STX7: variants seen among roughly 807,000 people sequenced by gnomAD.
STX7 encodes the protein syntaxin 7.
STX7 carries 34 observed loss-of-function variants against 39.6 expected under a neutral mutation model. The ratio of observed to expected loss-of-function variants is 0.86; its 90% CI spans 0.65 to 1.14. The LOEUF is 1.14. STX7 is among the 50% of genes most tolerant of loss of function. STX7 has a pLI of 0.00. For missense variants in STX7, 284 were observed against 310.4 expected, an observed-to-expected ratio of 0.92 and a Z score of 0.64; for synonymous variants, 119 against 99.1, an observed-to-expected ratio of 1.20 and a Z score of -1.19.
At chr6:132,499,968 T>G (rs780774817) in intron 2 of STX7, among the ~76,000 whole-genome samples, 18 of 151,918 alleles carry the variant, frequency 1.2e-4, no homozygotes, top group African/African-American at 4.4e-4. Context: ...AACTATGGAG[T>G]CATCTTTAAC....
Position 132,460,608 on chromosome 6 carries a change from G to T in STX7, c.*150C>A. On this transcript the variant is annotated 3_prime_UTR_variant, in exon 10 of 10. Coordinates refer to ENST00000367941, the MANE Select transcript of STX7 (RefSeq NM_003569.3). ...AGAAAATATCAGATTTAATCCAAAGGAACCACCCCAACCCCCCCAATAAAA... is the reference window on the plus strand; with the variant it reads ...AGAAAATATCAGATTTAATCCAAAGTAACCACCCCAACCCCCCCAATAAAA... 1 of 526,362 alleles carries T rather than the reference G, an allele frequency of 1.9e-6. No homozygotes were observed. Among genetic ancestry groups the T allele is most frequent in the Non-Finnish European group, 3.2e-6 (1 of 315,054 alleles). The allele number at this position is 526,362 out of a possible 1,614,324, so 32.6% of individuals were successfully genotyped here.
chr6:132,497,008 T>C (rs1271984697), intron 2 of STX7, among the ~76,000 whole-genome samples: 1 of 152,172 alleles, frequency 6.6e-6, no homozygotes, highest in Non-Finnish European at 1.5e-5. Flanking sequence ...TCATATCTGG[T>C]ACAACCACTT....
chr6:132,482,917 G>T (rs546350580), intron 2 of STX7, among the ~76,000 whole-genome samples: 1 of 151,906 alleles, frequency 6.6e-6, no homozygotes, highest in East Asian at 1.9e-4. Flanking sequence ...CTGAAACCTG[G>T]TTTTGTACAG....
intron 4 of STX7, among the ~76,000 whole-genome samples, chr6:132,472,080 T>G (rs952075835): frequency 1.3e-5 from 2 of 152,168 alleles, no homozygotes; most frequent in Admixed American, 1.3e-4. Context: ...TGCATGGAAA[T>G]AATTTTTGCT....
chr6:132,477,432 A>G (rs888776431), intron 2 of STX7, among the ~76,000 whole-genome samples: 2 of 152,140 alleles, frequency 1.3e-5, no homozygotes, highest in Non-Finnish European at 2.9e-5. Context: ...GTGAGAAAAA[A>G]TAAATTATTT....
Position 132,446,773 on chromosome 6 carries a change from A to C in STX7, c.*13985T>G, listed in dbSNP as rs1335120271. 6.6e-6 allele frequency: 1 copy of C among 152,208 alleles called. No individual in the cohort carries two copies. The highest frequency in any genetic ancestry group is 1.9e-4 in the East Asian group (1 of 5,206). The allele number at this position is 152,208 out of a possible 1,614,324, so 9.4% of individuals were successfully genotyped here. On this transcript the variant is annotated 3_prime_UTR_variant, in exon 10 of 10. Transcript: ENST00000367941. Reference sequence around the variant, plus strand: ...ATTGGATCACCAATTGGAGGAAAGTAAGTCACAAGCTGATTGCCTAGAGTG... The same window carrying C: ...ATTGGATCACCAATTGGAGGAAAGTCAGTCACAAGCTGATTGCCTAGAGTG...
At chr6:132,495,417 T>A (rs1775399594) in intron 2 of STX7, among the ~76,000 whole-genome samples, 1 of 152,166 alleles carries the variant, frequency 6.6e-6, no homozygotes, top group South Asian at 2.1e-4. Context: ...CCAACCACAT[T>A]TTCAGATGTG....
intron 8 of STX7, among the ~76,000 whole-genome samples, chr6:132,467,433 T>C (rs1419663185): frequency 6.6e-6 from 1 of 152,176 alleles, no homozygotes; most frequent in Admixed American, 6.6e-5. Context: ...CCCTCTACCC[T>C]GGCCTTATTT....
In STX7 at chr6:132,471,488, C is replaced by T. The variant is rs1042027145; in HGVS notation, c.362G>A (p.Arg121Gln). 6 of 1,613,872 alleles carry T rather than the reference C, an allele frequency of 3.7e-6. No homozygotes were observed. Among genetic ancestry groups the T allele is most frequent in the Non-Finnish European group, 5.1e-6 (6 of 1,179,872 alleles). Reference sequence around the variant, plus strand: ...AGACACTCTGGAACTGGCTCTTACTCGAGCAACAAACTCTTTCTCTCGCTC... The same window carrying T: ...AGACACTCTGGAACTGGCTCTTACTTGAGCAACAAACTCTTTCTCTCGCTC... Reference protein sequence around the residue: ...AAEREKEFVARVRASSRVSGS... With the variant: ...AAEREKEFVAQVRASSRVSGS... Residue 121 changes from arginine (R) to glutamine (Q), a missense_variant, in exon 5 of 10, where the codon CGA (arginine) becomes CAA (glutamine). Physicochemically the swap from Arg to Gln is conservative, Grantham distance 43. Coordinates refer to ENST00000367941, the MANE Select transcript of STX7 (RefSeq NM_003569.3).
At chr6:132,499,852 C>T (rs945895770) in intron 2 of STX7, among the ~76,000 whole-genome samples, 9 of 152,180 alleles carry the variant, frequency 5.9e-5, no homozygotes, top group Non-Finnish European at 8.8e-5. Flanking sequence ...AATGATATCT[C>T]AAAATATACT....
chr6:132,507,267 C>T (rs1237983729), intron 1 of STX7, among the ~76,000 whole-genome samples: 1 of 152,206 alleles, frequency 6.6e-6, no homozygotes, highest in Non-Finnish European at 1.5e-5. Context: ...AACAAAACTG[C>T]ATGTGCACCC....
At chr6:132,507,866 T>C (rs1432537317) in intron 1 of STX7, among the ~76,000 whole-genome samples, 1 of 152,248 alleles carries the variant, frequency 6.6e-6, no homozygotes, top group Non-Finnish European at 1.5e-5. Flanking sequence ...TCCATATACA[T>C]GGTTCCATTT....
In STX7 at chr6:132,450,698, T is replaced by A. The variant is rs927785963; in HGVS notation, c.*10060A>T. On this transcript the variant is annotated 3_prime_UTR_variant, in exon 10 of 10. Coordinates refer to ENST00000367941, the MANE Select transcript of STX7 (RefSeq NM_003569.3). ...AGCTACTGCAGAAAGAATGAATAAA[T>A]CTGAAGATAAAATGATAGAAATTAC... The A allele has an allele frequency of 6.6e-6, 1 of 152,002 alleles. No individual in the cohort carries two copies. The highest frequency in any genetic ancestry group is 1.5e-5 in the Non-Finnish European group (1 of 67,998). 9.4% of individuals were successfully genotyped at this position (152,002 alleles called of 1,614,324 possible). A position where few individuals can be genotyped will look rare whatever the true frequency, so the allele number is the denominator to read the frequency against.
intron 8 of STX7, 90 bp downstream of exon 8, chr6:132,468,313 G>A: frequency 1.0e-6 from 1 of 991,646 alleles, no homozygotes; most frequent in Non-Finnish European, 1.6e-6. Flanking sequence ...AAAAGGGACA[G>A]AAAGTGGTTA....
At chr6:132,465,067 T>C (rs972570015) in intron 8 of STX7, among the ~76,000 whole-genome samples, 3 of 152,328 alleles carry the variant, frequency 2.0e-5, no homozygotes, top group Non-Finnish European at 4.4e-5. Flanking sequence ...GACTCACTGA[T>C]GCTCTCTCCA....
At chr6:132,476,548 G>A (rs1774880427) in intron 2 of STX7, among the ~76,000 whole-genome samples, 1 of 152,016 alleles carries the variant, frequency 6.6e-6, no homozygotes, top group African/African-American at 2.4e-5. Context: ...TCTGAATCAG[G>A]AAAAAAGCAA....
At position 132,446,332 on chromosome 6, in the gene STX7, C is replaced by T. The variant is rs1774011834; in HGVS notation, c.*14426G>A. On this transcript the variant is annotated 3_prime_UTR_variant, in exon 10 of 10. Transcript: ENST00000367941. ...TTGTGTTTCTGAAGCCTCTCTGCAT[C>T]AAGATGATTGGGGTGAAAAACTGTC... The T allele has an allele frequency of 6.6e-6, 1 of 152,092 alleles. No individual in the cohort carries two copies. The highest frequency in any genetic ancestry group is 6.6e-5 in the Admixed American group (1 of 15,244). 9.4% of individuals were successfully genotyped at this position (152,092 alleles called of 1,614,324 possible). A position where few individuals can be genotyped will look rare whatever the true frequency, so the allele number is the denominator to read the frequency against.
At chr6:132,500,843 AATC>A (rs1775540642) in intron 2 of STX7, among the ~76,000 whole-genome samples, 1 of 152,198 alleles carries the variant, frequency 6.6e-6, no homozygotes, top group Admixed American at 6.5e-5. Flanking sequence ...ACTGATAAGG[AATC>A]TCATTCCTCC....
chr6:132,489,408 C>A (rs1329859882), intron 2 of STX7, among the ~76,000 whole-genome samples: 2 of 151,884 alleles, frequency 1.3e-5, no homozygotes, highest in Admixed American at 6.6e-5. Context: ...TCAAGAAAAA[C>A]CAAGAAAAGT....
Sources: allele counts gnomAD v4.1 joint callset (sites outside exome capture counted in the v4.1 genomes callset), GRCh38; gene constraint gnomAD v4.1.1; transcripts MANE v1.5; gene names NCBI Gene and HGNC (gene_info 2026-07-23, HGNC 2026-07-21).